The following TCEA3 variants were observed in gnomAD, a reference collection of about 807,000 sequenced individuals.
The protein encoded by TCEA3 is transcription elongation factor A protein 3.
Under a neutral mutation model 44.0 loss-of-function variants are expected in TCEA3, and 36 were observed. The ratio of observed to expected loss-of-function variants is 0.82; its 90% confidence interval spans 0.63 to 1.08. The LOEUF is 1.08. Among genes scored for constraint, TCEA3 ranks in the 50% least tolerant of loss-of-function variants. The pLI, the probability that TCEA3 is intolerant of heterozygous loss-of-function variation, is 0.00. For synonymous variants in TCEA3, 162 were observed against 159.7 expected, an observed-to-expected ratio of 1.01 and a Z score of -0.11; for missense variants, 392 against 441.2, an observed-to-expected ratio of 0.89 and a Z score of 1.00.
intron 8 of TCEA3, among the ~76,000 whole-genome samples, chr1:23,392,332 G>GACATCATACACACACACTCCAC (rs1473989336): frequency 1.2e-4 from 1 of 8,496 alleles, no homozygotes; most frequent in African/African-American, 3.4e-4. Flanking sequence ...TACTTCACAT[G>GACATCATACACACACACTCCAC]ACATCATACA....
rs1297251629 is a variant in TCEA3, at chr1:23,397,944, C to G, written c.455G>C (p.Ser152Thr). Residue 152 changes from serine to threonine, a missense_variant, in exon 6 of 11, where the codon AGC (serine) becomes ACC (threonine). Ser to Thr is a moderately conservative substitution (Grantham distance 58). Transcript: ENST00000450454. ...KRPSVERSNSSKSKAESPKTP... is the reference protein window; with the variant it reads ...KRPSVERSNSTKSKAESPKTP... ...TTTGGGGCTCTCCGCTTTTGATTTG[C>G]TGCTGTTTGATCTGAGGATGACAAT... The G allele has an allele frequency of 6.2e-7, 1 of 1,613,638 alleles. No individual in the cohort carries two copies. Among genetic ancestry groups the G allele is most frequent in the Admixed American group, 1.7e-5 (1 of 59,916 alleles).
intron 2 of TCEA3, 112 bp from the exon 3 acceptor site, chr1:23,418,121 C>G (rs956739634): frequency 6.7e-5 from 69 of 1,025,126 alleles, no homozygotes; most frequent in Non-Finnish European, 9.7e-5. Context: ...CAACCTGGAC[C>G]CCCAGAGTCC....
chr1:23,391,132 T>C (rs180775256), intron 8 of TCEA3, among the ~76,000 whole-genome samples: 2 of 147,768 alleles, frequency 1.4e-5, no homozygotes, highest in South Asian at 2.1e-4. Context: ...TTTTTTCTTT[T>C]TTTCTTTCTT....
At chr1:23,404,093 G>C in intron 5 of TCEA3, 1 of 702,276 alleles carries the variant, frequency 1.4e-6, no homozygotes, top group South Asian at 1.5e-5. Context: ...GAGGCATCTG[G>C]AGGCCGGGCC....
intron 1 of TCEA3, 113 bp from the exon 2 acceptor site, chr1:23,419,252 G>A: frequency 1.4e-6 from 1 of 704,054 alleles, no homozygotes; most frequent in Non-Finnish European, 2.3e-6. Context: ...TGTGGCCGAA[G>A]GACAGGCAAG....
At position 23,393,889 on chromosome 1, in the gene TCEA3, A is replaced by G. The variant is rs377454350; in HGVS notation, c.809T>C (p.Met270Thr). The G allele has an allele frequency of 2.5e-5, 41 of 1,613,598 alleles. No homozygotes were observed. The African/African-American group carries it at 5.2e-4, about 20-fold the overall frequency. ...ATGCCCTGCTCTCACCTCTGCCGTC[A>G]TCTTGGCTATAAGCCCTGCGGAGAT... ...GAISAGLIAK[M>T]TAEEMASDEL... Residue 270 changes from methionine to threonine, a missense_variant, in exon 8 of 11, where the codon ATG becomes ACG. Coordinates refer to ENST00000450454, the MANE Select transcript of TCEA3 (RefSeq NM_003196.3).
intron 9 of TCEA3, among the ~76,000 whole-genome samples, chr1:23,385,710 C>T (rs1015475413): frequency 1.3e-5 from 2 of 152,224 alleles, no homozygotes; most frequent in African/African-American, 4.8e-5. Context: ...ATGTGCAACC[C>T]AGAAAGAGGA....
intron 2 of TCEA3, 62 bp from the exon 3 acceptor site, chr1:23,418,071 T>C (rs1212579880): frequency 5.3e-6 from 8 of 1,523,350 alleles, no homozygotes; most frequent in African/African-American, 2.7e-5. Flanking sequence ...GCTGCCATCA[T>C]TGGCAGATCC....
At position 23,417,408 on chromosome 1, in the gene TCEA3, G is replaced by A. The variant is rs1436981489; in HGVS notation, c.239-18C>T. On this transcript the variant is annotated intron_variant, in intron 3 of 10. Coordinates refer to ENST00000450454, the MANE Select transcript of TCEA3 (RefSeq NM_003196.3). ...AGGGGAGTCTGAAAACAAAAGGGTG[G>A]CATTGTCCCTCAGCTAAGCTCTGTC... is the stretch of plus-strand genomic sequence containing the variant. 6.2e-7 allele frequency: 1 copy of A among 1,610,614 alleles called. No individual in the cohort carries two copies. The highest frequency in any genetic ancestry group is 8.5e-7 in the Non-Finnish European group (1 of 1,178,910).
At chr1:23,407,732 C>G (rs574273195) in intron 5 of TCEA3, among the ~76,000 whole-genome samples, 1 of 152,130 alleles carries the variant, frequency 6.6e-6, no homozygotes, top group Admixed American at 6.5e-5. Flanking sequence ...ATAAAGGCCC[C>G]CATCACTGCA....
rs768404382 is a variant in TCEA3, at chr1:23,387,288, GTTC to G, written c.948_950del (p.Lys316del). The G allele has an allele frequency of 2.0e-5, 32 of 1,613,794 alleles. No individual in the cohort carries two copies. Among genetic ancestry groups the G allele is most frequent in the East Asian group, 4.5e-5 (2 of 44,898 alleles). ...CTGTCCTTACCTGGTTATAGGTGCAGTTCTTCTTCTTGCATTTGCTGCACTGGA... is the reference window on the plus strand; with the variant it reads ...CTGTCCTTACCTGGTTATAGGTGCAGTTCTTCTTGCATTTGCTGCACTGGA... On this transcript the variant is annotated inframe_deletion, in exon 9 of 11. Coordinates refer to ENST00000450454, the MANE Select transcript of TCEA3 (RefSeq NM_003196.3).
chr1:23,408,512 G>T, intron 5 of TCEA3, 152 bp downstream of exon 5: 1 of 726,630 alleles, frequency 1.4e-6, no homozygotes, highest in Non-Finnish European at 2.2e-6. Context: ...AATGTGGAAA[G>T]ACTGTGTGGG....
At chr1:23,405,705 TTGAC>T (rs1553168041) in intron 5 of TCEA3, among the ~76,000 whole-genome samples, 1 of 152,186 alleles carries the variant, frequency 6.6e-6, no homozygotes, top group Non-Finnish European at 1.5e-5. Flanking sequence ...CAGATTCTGT[TTGAC>T]TGACCTTCAG....
At chr1:23,419,580 T>C (rs1639997828) in intron 1 of TCEA3, among the ~76,000 whole-genome samples, 1 of 152,220 alleles carries the variant, frequency 6.6e-6, no homozygotes. Flanking sequence ...CTCACACCTA[T>C]AATTCCGGCA....
intron 4 of TCEA3, among the ~76,000 whole-genome samples, chr1:23,409,912 A>G (rs1323403711): frequency 6.6e-6 from 1 of 152,006 alleles, no homozygotes; most frequent in Non-Finnish European, 1.5e-5. Context: ...CCACAAGAGC[A>G]GCATTTGGTG....
rs761252623 is a variant in TCEA3 at position 23,417,927 on chromosome 1, A to T, written c.215T>A (p.Ile72Asn). The T allele has an allele frequency of 6.2e-7, 1 of 1,614,038 alleles. No individual in the cohort carries two copies. The highest frequency in any genetic ancestry group is 1.1e-5 in the South Asian group (1 of 91,084). ...ACCTAGCAGCCGCTTCCAGTTTTTG[A>T]TAAGGACTTTGGCCAAGGACACCAC... The part of the protein sequence containing the change: ...KEVVSLAKVL[I>N]KNWKRLLDSP... The change falls in exon 3 of 11, where the codon ATC (isoleucine) becomes AAC (asparagine). Residue 72 changes from isoleucine (I) to asparagine (N), a missense_variant. Coordinates refer to ENST00000450454, the MANE Select transcript of TCEA3 (RefSeq NM_003196.3).
At chr1:23,392,425 A>ACACTCCACACATCATACATAAAACACACT (rs1639070403) in intron 8 of TCEA3, among the ~76,000 whole-genome samples, 5 of 9,862 alleles carry the variant, frequency 5.1e-4, no homozygotes, top group African/African-American at 1.4e-3. Flanking sequence ...CAATACACAC[A>ACACTCCACACATCATACATAAAACACACT]CACTCCACAC....
At chr1:23,389,367 T>C (rs188462346) in intron 8 of TCEA3, among the ~76,000 whole-genome samples, 55 of 152,008 alleles carry the variant, frequency 3.6e-4, no homozygotes, top group African/African-American at 8.9e-4. Flanking sequence ...CGGGCACCTG[T>C]AATCCCAGCT....
chr1:23,422,883 C>T (rs573079391), intron 1 of TCEA3, among the ~76,000 whole-genome samples: 6 of 152,346 alleles, frequency 3.9e-5, no homozygotes, highest in Admixed American at 3.9e-4. Flanking sequence ...GTCCCGTCCT[C>T]TTCAGCCAGA....
Sources: allele counts gnomAD v4.1 joint callset (sites outside exome capture counted in the v4.1 genomes callset), GRCh38; gene constraint gnomAD v4.1.1; transcripts MANE v1.5; gene names NCBI Gene and HGNC (gene_info 2026-07-23, HGNC 2026-07-21).